ZNF844: variants seen among roughly 807,000 people sequenced by gnomAD.
ZNF844 encodes the protein zinc finger protein 844.
A neutral mutation model predicts 11.4 loss-of-function variants in ZNF844; 11 were observed. The ratio of observed to expected loss-of-function variants is 0.97; its 90% confidence interval spans 0.61 to 1.60. ZNF844 has a LOEUF of 1.60. ZNF844 is among the 40% of genes most tolerant of loss of function. The pLI is 0.00. For missense variants in ZNF844, 790 were observed against 796.8 expected (o/e 0.99, Z 0.10); for synonymous variants, 248 against 260.3 (o/e 0.95, Z 0.46).
At position 12,067,983 on chromosome 19, in the gene ZNF844, G is replaced by GGAAGGAAGGAAGGAAGGAAGGAAGGAAA. The variant is rs1212394922; in HGVS notation, c.3+3110_3+3111insGGAAGGAAGGAAGGAAGGAAGGAAAGAA. Among the ~76,000 whole-genome samples the GGAAGGAAGGAAGGAAGGAAGGAAGGAAA allele has an allele frequency of 6.3e-4, 81 of 128,478 alleles. 2 individuals are homozygous for GGAAGGAAGGAAGGAAGGAAGGAAGGAAA. Among genetic ancestry groups the GGAAGGAAGGAAGGAAGGAAGGAAGGAAA allele is most frequent in the South Asian group, 9.6e-4 (4 of 4,168 alleles). The allele number at this position is 128,478 out of a possible 152,430, so 84.3% of individuals were successfully genotyped here. On this transcript the variant is annotated intron_variant, in intron 1 of 3. Coordinates refer to ENST00000439326, the MANE Select transcript of ZNF844 (RefSeq NM_001136501.3). ...AAGAAGGAAGGAAGGAAGGAAGGAA[G>GGAAGGAAGGAAGGAAGGAAGGAAGGAAA]GAAAGAAAATTAAAAATTAATTTAA...
At position 12,076,393 on chromosome 19, in the gene ZNF844, G is replaced by A. The variant is rs1483647156; in HGVS notation, c.1273G>A (p.Val425Ile). The change falls in exon 4 of 4, where the codon GTA becomes ATA. Residue 425 changes from valine to isoleucine, a missense_variant. Transcript: ENST00000439326. The stretch of plus-strand genomic sequence containing the variant: ...GAGAAACCCTATGAATGTAAGCAGT[G>A]TAGTAAAGCCTTCATTTCTTCCACT... Reference protein sequence around the residue: ...LERNPMNVSSVVKPSFLPLPF... With the variant: ...LERNPMNVSSIVKPSFLPLPF... 7 of 1,610,092 alleles carry A rather than the reference G, an allele frequency of 4.3e-6. No individual in the cohort carries two copies. Among genetic ancestry groups the A allele is most frequent in the Non-Finnish European group, 2.5e-6 (3 of 1,176,942 alleles).
chr19:12,069,564 C>T (rs1975730584), intron 1 of ZNF844, among the ~76,000 whole-genome samples: 1 of 150,786 alleles, frequency 6.6e-6, no homozygotes, highest in Non-Finnish European at 1.5e-5. Flanking sequence ...TCAAAGTTAG[C>T]CCAAAAAGGA....
Position 12,080,808 on chromosome 19 carries a change from G to C in ZNF844, c.*3687G>C, listed in dbSNP as rs1192902097. 2.0e-5 allele frequency: 3 copies of C among 152,288 alleles called. No homozygotes were observed. Among genetic ancestry groups the C allele is most frequent in the Non-Finnish European group, 4.4e-5 (3 of 68,222 alleles). 9.4% of individuals were successfully genotyped at this position (152,288 alleles called of 1,614,324 possible). On this transcript the variant is annotated 3_prime_UTR_variant, in exon 4 of 4. Transcript: ENST00000439326. ...TCTCTCTGTCACCCAGGCTGGAGTA[G>C]AGTGGCATTATCCTGGCTCATTGCA...
Position 12,076,408 on chromosome 19 carries a change from T to C in ZNF844, c.1288T>C (p.Phe430Leu). ...MNVSSVVKPS[F>L]LPLPFDIMKG... Reference sequence around the variant, plus strand: ...TGTAAGCAGTGTAGTAAAGCCTTCATTTCTTCCACTTCCTTTCGATATCAT... The same window carrying C: ...TGTAAGCAGTGTAGTAAAGCCTTCACTTCTTCCACTTCCTTTCGATATCAT... Residue 430 changes from phenylalanine (F) to leucine (L), a missense_variant, in exon 4 of 4, where the codon TTT (phenylalanine) becomes CTT (leucine). Physicochemically the swap from Phe to Leu is conservative, Grantham distance 22 (BLOSUM62 0). Coordinates refer to ENST00000439326, the MANE Select transcript of ZNF844 (RefSeq NM_001136501.3). The C allele has an allele frequency of 6.2e-7, 1 of 1,608,248 alleles. No homozygotes were observed. Among genetic ancestry groups the C allele is most frequent in the Non-Finnish European group, 8.5e-7 (1 of 1,176,540 alleles).
intron 1 of ZNF844, among the ~76,000 whole-genome samples, chr19:12,065,392 G>A (rs1304319420): frequency 6.6e-6 from 1 of 152,040 alleles, no homozygotes; most frequent in Non-Finnish European, 1.5e-5. Flanking sequence ...CTTAGAGCTT[G>A]GCAACTGCTG....
rs1390535605 is a variant in ZNF844 at position 12,081,253 on chromosome 19, A to C, written c.*4132A>C. On this transcript the variant is annotated 3_prime_UTR_variant, in exon 4 of 4. Transcript: ENST00000439326. ...CAGCTACTATGCTTTTGTCCAGTCC[A>C]ACTAGATAGGAGCTTCTTCCTCTGC... is the stretch of plus-strand genomic sequence containing the variant. 2.0e-5 allele frequency: 3 copies of C among 152,140 alleles called. No individual in the cohort carries two copies. The highest frequency in any genetic ancestry group is 4.4e-5 in the Non-Finnish European group (3 of 68,036). 9.4% of individuals were successfully genotyped at this position (152,140 alleles called of 1,614,324 possible). A position where few individuals can be genotyped will look rare whatever the true frequency, so the allele number is the denominator to read the frequency against.
intron 1 of ZNF844, among the ~76,000 whole-genome samples, chr19:12,071,894 TTTTG>T (rs1030126358): frequency 1.3e-5 from 2 of 151,090 alleles, no homozygotes; most frequent in African/African-American, 2.4e-5. Context: ...TTTTTTTTTT[TTTTG>T]TTTGTTTGAG....
rs74334935 is a variant in ZNF844 at position 12,076,684 on chromosome 19, A to G, written c.1564A>G (p.Met522Val). Residue 522 changes from methionine to valine, a missense_variant, in exon 4 of 4, where the codon ATG becomes GTG. Around this residue, in one of 3 missense-constraint regions of ZNF844, gnomAD observed 657 missense variants for 636.2 expected, o/e 1.03. Coordinates refer to ENST00000439326, the MANE Select transcript of ZNF844 (RefSeq NM_001136501.3). ...ACATCTGCCTCACACCTTCAAATGC[A>G]TGAAAGGACTCACACTGGAAAGCAA... ...PSHLPHTFKCMKGLTLESNCM... is the reference protein window; with the variant it reads ...PSHLPHTFKCVKGLTLESNCM... 2.2e-4 allele frequency: 353 copies of G among 1,614,100 alleles called. 2 individuals carry two copies. The East Asian group carries it at 7.4e-3, about 34-fold the overall frequency.
rs967774860 is a variant in ZNF844, at chr19:12,079,512, G to A, written c.*2391G>A. ...GTCTCTACCAAAAATACAAAAATTA[G>A]CCAGGCATGGTGGCGCGTGCCTGTA... On this transcript the variant is annotated 3_prime_UTR_variant, in exon 4 of 4. Transcript: ENST00000439326. 3 of 151,702 alleles carry A rather than the reference G, an allele frequency of 2.0e-5. No homozygotes were observed. The highest frequency in any genetic ancestry group is 6.6e-5 in the Admixed American group (1 of 15,198). 9.4% of individuals were successfully genotyped at this position (151,702 alleles called of 1,614,324 possible). A position where few individuals can be genotyped will look rare whatever the true frequency, so the allele number is the denominator to read the frequency against.
intron 1 of ZNF844, among the ~76,000 whole-genome samples, chr19:12,066,511 A>T (rs933389747): frequency 6.8e-6 from 1 of 148,104 alleles, no homozygotes; most frequent in Non-Finnish European, 1.5e-5. Flanking sequence ...TATCATTTAA[A>T]CTATAACATA....
intron 1 of ZNF844, among the ~76,000 whole-genome samples, 179 bp from the exon 2 acceptor site, chr19:12,073,852 G>A (rs968863428): frequency 5.9e-5 from 9 of 152,174 alleles, no homozygotes; most frequent in African/African-American, 2.2e-4. Flanking sequence ...TTCTGTTCCA[G>A]CATCAGAATT....
At chr19:12,073,181 C>T (rs1975769836) in intron 1 of ZNF844, among the ~76,000 whole-genome samples, 1 of 150,200 alleles carries the variant, frequency 6.7e-6, no homozygotes, top group Admixed American at 6.6e-5. Context: ...TTTTTTGAGA[C>T]AGAGTTTCGC....
chr19:12,067,790 C>T (rs1305327710), intron 1 of ZNF844, among the ~76,000 whole-genome samples: 2 of 150,516 alleles, frequency 1.3e-5, no homozygotes, highest in Non-Finnish European at 3.0e-5. Flanking sequence ...GTAGTGGGCA[C>T]CTGTAGTCCC....
chr19:12,072,888 AT>A lies in ZNF844; in HGVS notation c.4-1138del, dbSNP rs370951745. Among the ~76,000 whole-genome samples, 125 of 151,770 alleles carry A rather than the reference AT, an allele frequency of 8.2e-4. 3 individuals carry two copies. In the South Asian group the frequency reaches 0.011, roughly 14 times the overall value. On this transcript the variant is annotated intron_variant, in intron 1 of 3. Coordinates refer to ENST00000439326, the MANE Select transcript of ZNF844 (RefSeq NM_001136501.3). ...GCATGAGCCACCGCGCCTGGCCTTG[AT>A]TTTTCTTTTCTTTTTAGTTGAATGT...
chr19:12,065,681 A>T (rs1020701155), intron 1 of ZNF844, among the ~76,000 whole-genome samples: 2 of 147,076 alleles, frequency 1.4e-5, no homozygotes, highest in African/African-American at 5.1e-5. Flanking sequence ...TTTTTTGCCC[A>T]GGCTGGAGTG....
Position 12,075,484 on chromosome 19 carries a change from A to T in ZNF844, c.364A>T (p.Ile122Phe). The T allele has an allele frequency of 6.2e-7, 1 of 1,613,626 alleles. No individual in the cohort carries two copies. The change falls in exon 4 of 4, where the codon ATT becomes TTT. Residue 122 changes from isoleucine (I) to phenylalanine (F), a missense_variant. By Grantham distance (21) the Ile-to-Phe change is conservative (BLOSUM62 0). Transcript: ENST00000439326. Reference sequence around the variant, plus strand: ...GGGTCATTCTTCCCTTAATAGGCACATTAGAGCTGACACTGCACACAAGCC... The same window carrying T: ...GGGTCATTCTTCCCTTAATAGGCACTTTAGAGCTGACACTGCACACAAGCC... ...FVGHSSLNRH[I>F]RADTAHKPSE...
chr19:12,076,240 A>G lies in ZNF844; in HGVS notation c.1120A>G (p.Ile374Val). The G allele has an allele frequency of 6.2e-7, 1 of 1,607,106 alleles. No homozygotes were observed. The highest frequency in any genetic ancestry group is 1.3e-5 in the African/African-American group (1 of 74,388). Reference protein sequence around the residue: ...YKCKTVEKPLILPVRFEDMKE... With the variant: ...YKCKTVEKPLVLPVRFEDMKE... Reference sequence around the variant, plus strand: ...ATGTAAGACTGTGGAAAAGCCTTTGATTCTCCCAGTTCGTTTTGAAGACAT... The same window carrying G: ...ATGTAAGACTGTGGAAAAGCCTTTGGTTCTCCCAGTTCGTTTTGAAGACAT... The change falls in exon 4 of 4, where the codon ATT becomes GTT. Residue 374 changes from isoleucine (I) to valine (V), a missense_variant. Ile to Val is a conservative substitution (Grantham distance 29). This residue lies in a region of ZNF844 where 657 missense variants were observed against 636.2 expected (regional missense o/e 1.03). Transcript: ENST00000439326.
At chr19:12,074,195 C>T (rs1389150832) in intron 2 of ZNF844, 38 bp downstream of exon 2, 1 of 1,610,984 alleles carries the variant, frequency 6.2e-7, no homozygotes, top group South Asian at 1.1e-5. Flanking sequence ...GTGAATGAGA[C>T]AAGTGTTTCT....
intron 1 of ZNF844, among the ~76,000 whole-genome samples, chr19:12,071,754 A>G (rs1235303286): frequency 4.1e-5 from 6 of 146,808 alleles, no homozygotes; most frequent in Non-Finnish European, 7.5e-5. Context: ...ATTAACATTT[A>G]TTAGCTTTAG....
Sources: gnomAD v4.1 joint callset for allele counts (sites outside exome capture counted in the v4.1 genomes callset) on GRCh38, gnomAD v4.1.1 for gene constraint, gnomAD v4.1.1 regional missense constraint, MANE v1.5 for transcripts, NCBI Gene and HGNC (gene_info 2026-07-23, HGNC 2026-07-21) for gene names.